The following CPA6 variants were observed in gnomAD, a reference collection of about 807,000 sequenced individuals.
CPA6 encodes carboxypeptidase A6, also known as carboxypeptidase B.
A neutral mutation model predicts 63.3 loss-of-function variants in CPA6; 58 were observed. The observed-to-expected ratio is 0.92, with a 90% CI of 0.74 to 1.14. The LOEUF is 1.14. CPA6 is among the 50% of genes most tolerant of loss of function. The pLI is 0.00. For missense variants in CPA6, 565 were observed against 526.6 expected (o/e 1.07, Z -0.71); for synonymous variants, 185 against 179.0 (o/e 1.03, Z -0.27).
intron 1 of CPA6, among the ~76,000 whole-genome samples, chr8:67,650,544 C>A (rs1033728115): frequency 1.2e-4 from 18 of 152,084 alleles, no homozygotes; most frequent in Non-Finnish European, 1.8e-4. Context: ...CTACTTGGAC[C>A]AAATAAGGTG....
chr8:67,626,171 T>A (rs1815190492), intron 1 of CPA6, among the ~76,000 whole-genome samples: 1 of 152,180 alleles, frequency 6.6e-6, no homozygotes, highest in Admixed American at 6.5e-5. Flanking sequence ...ATTTTCTTCA[T>A]AAATTACCCA....
intron 2 of CPA6, among the ~76,000 whole-genome samples, chr8:67,570,336 A>G (rs1813456186): frequency 6.6e-6 from 1 of 152,246 alleles, no homozygotes; most frequent in Admixed American, 6.5e-5. Context: ...TTAAACTGAA[A>G]CAAAAGGTTG....
At position 67,649,440 on chromosome 8, in the gene CPA6, A is replaced by G. The variant is rs79903845; in HGVS notation, c.117-25189T>C. ...ACAATGATGCCCAATAGTTTTTTTC[A>G]TTCTTACTATTTTTGAGCTTTTTCT... On this transcript the variant is annotated intron_variant, in intron 1 of 10. Coordinates refer to ENST00000297770, the MANE Select transcript of CPA6 (RefSeq NM_020361.5). Among the ~76,000 whole-genome samples the G allele has an allele frequency of 9.7e-4, 147 of 152,212 alleles. No individual in the cohort carries two copies. The East Asian group carries it at 0.025, about 26-fold the overall frequency.
chr8:67,597,386 G>A (rs1324168551), intron 2 of CPA6, among the ~76,000 whole-genome samples: 1 of 151,804 alleles, frequency 6.6e-6, no homozygotes, highest in African/African-American at 2.4e-5. Flanking sequence ...TTTAGAGATG[G>A]GGTTTCACCA....
intron 1 of CPA6, among the ~76,000 whole-genome samples, chr8:67,671,223 T>C (rs879252787): frequency 6.6e-6 from 1 of 152,192 alleles, no homozygotes; most frequent in Admixed American, 6.5e-5. Flanking sequence ...TATCTCAGAT[T>C]AGGGGCTCAT....
At chr8:67,564,892 T>C (rs1484347163) in intron 2 of CPA6, among the ~76,000 whole-genome samples, 1 of 152,178 alleles carries the variant, frequency 6.6e-6, no homozygotes, top group Non-Finnish European at 1.5e-5. Flanking sequence ...AACACTATCG[T>C]TATGACAAAT....
intron 2 of CPA6, among the ~76,000 whole-genome samples, chr8:67,564,891 G>A (rs996122883): frequency 5.9e-5 from 9 of 152,078 alleles, no homozygotes; most frequent in Non-Finnish European, 4.4e-5. Flanking sequence ...TAACACTATC[G>A]TTATGACAAA....
chr8:67,644,187 C>CCT (rs1815660939), intron 1 of CPA6, among the ~76,000 whole-genome samples: 1 of 150,942 alleles, frequency 6.6e-6, no homozygotes, highest in Admixed American at 6.6e-5. Flanking sequence ...GGCGCCATTT[C>CCT]GGCTCACTGC....
chr8:67,453,728 G>A (rs139934874), intron 8 of CPA6, among the ~76,000 whole-genome samples: 27 of 152,278 alleles, frequency 1.8e-4, no homozygotes, highest in African/African-American at 6.0e-4. Context: ...GTGCTTCTCC[G>A]ATATGTGCTT....
chr8:67,485,543 G>A (rs1221259921), intron 6 of CPA6, among the ~76,000 whole-genome samples: 1 of 152,152 alleles, frequency 6.6e-6, no homozygotes, highest in East Asian at 1.9e-4. Flanking sequence ...TGTTTATTAA[G>A]TTGAGGATTT....
chr8:67,459,381 T>C (rs998189334), intron 8 of CPA6, among the ~76,000 whole-genome samples: 4 of 152,156 alleles, frequency 2.6e-5, no homozygotes, highest in Admixed American at 2.0e-4. Flanking sequence ...CTTTAGTAGA[T>C]GAACAGATGA....
chr8:67,434,905 T>C (rs1810114034), intron 8 of CPA6, among the ~76,000 whole-genome samples: 1 of 152,210 alleles, frequency 6.6e-6, no homozygotes, highest in Non-Finnish European at 1.5e-5. Flanking sequence ...GAACAGATCC[T>C]GGCCTGAGGG....
At chr8:67,562,718 C>A (rs1479948193) in intron 2 of CPA6, among the ~76,000 whole-genome samples, 2 of 152,164 alleles carry the variant, frequency 1.3e-5, no homozygotes, top group Non-Finnish European at 2.9e-5. Flanking sequence ...ATAACTTCTT[C>A]CATGTAAGGA....
At chr8:67,672,283 T>C (rs535629442) in intron 1 of CPA6, among the ~76,000 whole-genome samples, 17 of 152,364 alleles carry the variant, frequency 1.1e-4, no homozygotes, top group African/African-American at 3.6e-4. Flanking sequence ...GAACATTTTA[T>C]ATCATAGTTT....
intron 2 of CPA6, among the ~76,000 whole-genome samples, chr8:67,529,376 A>G (rs986648775): frequency 6.6e-6 from 1 of 152,194 alleles, no homozygotes; most frequent in Non-Finnish European, 1.5e-5. Flanking sequence ...GGGATATCAA[A>G]GAAAAGCAAG....
At chr8:67,508,336 A>T (rs1811975437) in intron 5 of CPA6, among the ~76,000 whole-genome samples, 1 of 152,078 alleles carries the variant, frequency 6.6e-6, no homozygotes, top group Admixed American at 6.6e-5. Flanking sequence ...CATGTTTCTG[A>T]ATTGGGAGGA....
chr8:67,545,558 T>A (rs991018653), intron 2 of CPA6, among the ~76,000 whole-genome samples: 18 of 129,442 alleles, frequency 1.4e-4, no homozygotes, highest in Non-Finnish European at 6.5e-5. Flanking sequence ...CAGTTGCTAC[T>A]GTTACTTTTT....
intron 8 of CPA6, among the ~76,000 whole-genome samples, chr8:67,471,704 A>G (rs1417133063): frequency 6.6e-6 from 1 of 152,240 alleles, no homozygotes; most frequent in Non-Finnish European, 1.5e-5. Flanking sequence ...TAAAAAGAAT[A>G]TCATCATTTA....
At chr8:67,653,207 T>C (rs1487633749) in intron 1 of CPA6, among the ~76,000 whole-genome samples, 2 of 151,798 alleles carry the variant, frequency 1.3e-5, no homozygotes, top group Non-Finnish European at 3.0e-5. Flanking sequence ...TGGCTTAGGA[T>C]TGACTTGGCG....
Sources: gnomAD v4.1 joint callset for allele counts (sites outside exome capture counted in the v4.1 genomes callset) on GRCh38, gnomAD v4.1.1 for gene constraint, MANE v1.5 for transcripts, NCBI Gene and HGNC (gene_info 2026-07-23, HGNC 2026-07-21) for gene names.